The following LYPD6B variants were observed in gnomAD, a reference collection of about 807,000 sequenced individuals.
LYPD6B encodes ly6/PLAUR domain-containing protein 6B.
Under a neutral mutation model 22.8 loss-of-function variants are expected in LYPD6B, and 17 were observed. The ratio of observed to expected loss-of-function variants is 0.75; its 90% CI spans 0.51 to 1.12. The LOEUF is 1.12. Among genes scored for constraint, LYPD6B ranks in the 50% most tolerant of loss-of-function variants. LYPD6B has a pLI of 0.00. For synonymous variants in LYPD6B, 106 were observed against 91.6 expected, an observed-to-expected ratio of 1.16 and a Z score of -0.90; for missense variants, 221 against 258.3, an observed-to-expected ratio of 0.86 and a Z score of 0.99.
chr2:149,121,062 G>A (rs35598632), intron 1 of LYPD6B, among the ~76,000 whole-genome samples: 47,119 of 151,974 alleles, frequency 0.31, 7,840 homozygotes, highest in Non-Finnish European at 0.36. Flanking sequence ...AAAGTGCTGC[G>A]ATTACAGGTA....
rs550428513 is a variant in LYPD6B at position 149,162,649 on chromosome 2, A to C, written c.77+1814A>C. Among the ~76,000 whole-genome samples the C allele has an allele frequency of 7.2e-5, 11 of 152,328 alleles. No homozygotes were observed. In the East Asian group the frequency reaches 1.2e-3, roughly 16 times the overall value. On this transcript the variant is annotated intron_variant, in intron 3 of 6. Transcript: ENST00000409642. ...GCATATTTGGCCTATGGAGAACAGC[A>C]GAAAGAATTAAGAGTAAAAATCACC...
At chr2:149,212,373 T>C (rs1575191420) in intron 5 of LYPD6B, among the ~76,000 whole-genome samples, 1 of 58,518 alleles carries the variant, frequency 1.7e-5, no homozygotes, top group Non-Finnish European at 3.2e-5. Context: ...AGAGTAAGAC[T>C]CCGTCTCAAA....
In LYPD6B at chr2:149,172,151, G is replaced by A. The variant is rs569124524; in HGVS notation, c.77+11316G>A. On this transcript the variant is annotated intron_variant, in intron 3 of 6. Coordinates refer to ENST00000409642, the MANE Select transcript of LYPD6B (RefSeq NM_177964.5). The stretch of plus-strand genomic sequence containing the variant: ...GAAGCAAACATGTCCTTCTTCACAT[G>A]GCGGCAGGAAGAAGAAGAATGAGCA... Among the ~76,000 whole-genome samples, 6 of 152,276 alleles carry A rather than the reference G, an allele frequency of 3.9e-5. No homozygotes were observed. In the East Asian group the frequency reaches 1.2e-3, roughly 29 times the overall value.
chr2:149,117,183 T>G (rs1445356824), intron 1 of LYPD6B, among the ~76,000 whole-genome samples: 1 of 152,148 alleles, frequency 6.6e-6, no homozygotes, highest in Non-Finnish European at 1.5e-5. Context: ...GATTTTTACT[T>G]TATAGTTTTT....
intron 2 of LYPD6B, among the ~76,000 whole-genome samples, chr2:149,139,232 C>G (rs1688543310): frequency 6.6e-6 from 1 of 152,140 alleles, no homozygotes; most frequent in South Asian, 2.1e-4. Flanking sequence ...GAGAGCATGG[C>G]TTTTCCATGA....
intron 3 of LYPD6B, among the ~76,000 whole-genome samples, chr2:149,190,101 GCT>G (rs1339650202): frequency 2.6e-5 from 4 of 151,508 alleles, no homozygotes; most frequent in African/African-American, 9.7e-5. Flanking sequence ...TTTATCCCTG[GCT>G]CTCTACCTGT....
At chr2:149,181,105 C>G (rs1422787809) in intron 3 of LYPD6B, among the ~76,000 whole-genome samples, 2 of 152,008 alleles carry the variant, frequency 1.3e-5, no homozygotes, top group Admixed American at 6.6e-5. Context: ...GGTGAGGGAC[C>G]CAGAGTACCT....
intron 1 of LYPD6B, among the ~76,000 whole-genome samples, chr2:149,073,513 T>G (rs1684741651): frequency 6.6e-6 from 1 of 152,150 alleles, no homozygotes; most frequent in African/African-American, 2.4e-5. Context: ...ACTGCCGTGA[T>G]GCTGGGAAGC....
chr2:149,115,876 G>T (rs1204395768), intron 1 of LYPD6B, among the ~76,000 whole-genome samples: 2 of 152,200 alleles, frequency 1.3e-5, no homozygotes, highest in Non-Finnish European at 2.9e-5. Context: ...TAAATTGTAG[G>T]CAGTTCTGAA....
rs370438237 is a variant in LYPD6B, at chr2:149,175,170, G to T, written c.77+14335G>T. 5.7e-4 allele frequency among the ~76,000 whole-genome samples: 86 copies of T among 151,690 alleles called. 1 individual carries two copies. The highest frequency in any genetic ancestry group is 4.1e-4 in the Non-Finnish European group (28 of 67,960). ...CATCATTGTGCAAACATCATAGAGT[G>T]CACTCACACAAACCTAGATGGTACA... On this transcript the variant is annotated intron_variant, in intron 3 of 6. Coordinates refer to ENST00000409642, the MANE Select transcript of LYPD6B (RefSeq NM_177964.5).
intron 1 of LYPD6B, among the ~76,000 whole-genome samples, chr2:149,069,952 G>T (rs1483743875): frequency 3.3e-5 from 5 of 150,826 alleles, no homozygotes; most frequent in African/African-American, 1.2e-4. Context: ...GTGTGTGTGT[G>T]TACGTGTGTG....
At chr2:149,129,850 G>A (rs73963698) in intron 1 of LYPD6B, among the ~76,000 whole-genome samples, 2,011 of 152,316 alleles carry the variant, frequency 0.013, 38 homozygotes, top group African/African-American at 0.046. Context: ...TAGAAACTCT[G>A]TAAGTATTGG....
chr2:149,193,153 C>T (rs1292343254), intron 3 of LYPD6B, among the ~76,000 whole-genome samples: 1 of 152,126 alleles, frequency 6.6e-6, no homozygotes, highest in Non-Finnish European at 1.5e-5. Flanking sequence ...CTCTCACCTT[C>T]CAGATGGTCA....
At chr2:149,135,634 C>T (rs963369584) in intron 2 of LYPD6B, among the ~76,000 whole-genome samples, 4 of 144,494 alleles carry the variant, frequency 2.8e-5, no homozygotes, top group Middle Eastern at 3.7e-3. Flanking sequence ...GCAGGAGAAT[C>T]GCTTGAACCT....
intron 3 of LYPD6B, among the ~76,000 whole-genome samples, chr2:149,185,266 A>G (rs879429838): frequency 2.6e-5 from 4 of 152,152 alleles, no homozygotes; most frequent in Middle Eastern, 3.2e-3. Context: ...AAACTAGAAC[A>G]ATCTCACATT....
At chr2:149,214,513 C>A in intron 6 of LYPD6B, 33 bp from the exon 7 acceptor site, 3 of 1,603,728 alleles carry the variant, frequency 1.9e-6, no homozygotes, top group Non-Finnish European at 2.6e-6. Flanking sequence ...TTCTATTATT[C>A]ACTGTCATTT....
chr2:149,102,761 C>G (rs558262991), intron 1 of LYPD6B, among the ~76,000 whole-genome samples: 24 of 152,114 alleles, frequency 1.6e-4, no homozygotes, highest in Non-Finnish European at 1.6e-4. Context: ...TCCCAAGTCA[C>G]TGGGATTAAA....
chr2:149,164,774 G>A (rs1160893118), intron 3 of LYPD6B, among the ~76,000 whole-genome samples: 1 of 152,154 alleles, frequency 6.6e-6, no homozygotes, highest in Admixed American at 6.5e-5. Context: ...TAAGAGCTTG[G>A]AAACACCTTG....
At chr2:149,112,218 A>G (rs1366392870) in intron 1 of LYPD6B, among the ~76,000 whole-genome samples, 2 of 152,208 alleles carry the variant, frequency 1.3e-5, no homozygotes, top group Non-Finnish European at 1.5e-5. Context: ...GGAGATATGA[A>G]AAAAAGTTCC....
Sources: gnomAD v4.1 joint callset for allele counts (sites outside exome capture counted in the v4.1 genomes callset) on GRCh38, gnomAD v4.1.1 for gene constraint, MANE v1.5 for transcripts, NCBI Gene and HGNC (gene_info 2026-07-23, HGNC 2026-07-21) for gene names.